NAA25: variants seen among roughly 807,000 people sequenced by gnomAD.
NAA25 encodes the protein N-terminal acetyltransferase B complex subunit NAA25.
Under a neutral mutation model 132.5 loss-of-function variants are expected in NAA25, and 30 were observed. The observed-to-expected ratio is 0.23, with a 90% CI of 0.17 to 0.31. The LOEUF is 0.31. Ranked by LOEUF, NAA25 falls within the 10% of genes least tolerant of loss-of-function variation. The pLI is 1.00. For missense variants in NAA25, 771 were observed against 1,150.4 expected (o/e 0.67, Z 4.77); for synonymous variants, 359 against 401.9 (o/e 0.89, Z 1.28).
At chr12:112,035,426 C>CT (rs2078211182) in intron 22 of NAA25, 1 of 152,020 alleles carries the variant, frequency 6.6e-6, no homozygotes, top group Admixed American at 6.6e-5. Flanking sequence ...TCCTTAAGTG[C>CT]TGGGATTACA....
chr12:112,090,897 A>G (rs759812904), intron 2 of NAA25, 33 bp from the exon 3 acceptor site: 1 of 1,570,494 alleles, frequency 6.4e-7, no homozygotes, highest in African/African-American at 1.4e-5. Flanking sequence ...CAGTTTTTAA[A>G]AAGACAGAAA....
intron 13 of NAA25, among the ~76,000 whole-genome samples, chr12:112,056,329 T>A (rs969770322): frequency 6.6e-6 from 1 of 150,680 alleles, no homozygotes; most frequent in Non-Finnish European, 1.5e-5. Context: ...TAAGATTCCA[T>A]CTCAAAATAA....
chr12:112,043,015 G>C, intron 19 of NAA25, 73 bp downstream of exon 19: 1 of 1,424,474 alleles, frequency 7.0e-7, no homozygotes, highest in Non-Finnish European at 9.4e-7. Context: ...CCAGATGTGA[G>C]GTTATAGACA....
At chr12:112,086,073 TACAC>T (rs1555238727) in intron 4 of NAA25, among the ~76,000 whole-genome samples, 14 of 53,964 alleles carry the variant, frequency 2.6e-4, no homozygotes, top group African/African-American at 8.4e-4. Context: ...TATATATATA[TACAC>T]ACACACACAC....
chr12:112,092,679 C>G (rs773643774), intron 2 of NAA25, among the ~76,000 whole-genome samples: 2 of 149,512 alleles, frequency 1.3e-5, no homozygotes, highest in African/African-American at 2.5e-5. Context: ...CTTTCTCCCC[C>G]CCCTTTTTTT....
intron 20 of NAA25, 36 bp downstream of exon 20, chr12:112,042,003 G>C: frequency 8.0e-7 from 1 of 1,254,204 alleles, no homozygotes. Flanking sequence ...CATACAACCA[G>C]ATACAAATAC....
chr12:112,086,092 AC>A (rs2079050925), intron 4 of NAA25, among the ~76,000 whole-genome samples: 1 of 134,820 alleles, frequency 7.4e-6, no homozygotes, highest in Non-Finnish European at 1.5e-5. Context: ...ACACACACAC[AC>A]ACACACACAC....
At chr12:112,075,292 G>A (rs1206098513) in intron 8 of NAA25, among the ~76,000 whole-genome samples, 3 of 151,812 alleles carry the variant, frequency 2.0e-5, no homozygotes, top group African/African-American at 4.8e-5. Flanking sequence ...AGGTTCAAGC[G>A]ATTCTTGTGC....
chr12:112,051,730 CA>C (rs1396759681), intron 15 of NAA25, among the ~76,000 whole-genome samples: 3 of 151,796 alleles, frequency 2.0e-5, no homozygotes, highest in Non-Finnish European at 1.5e-5. Context: ...AACAAAGATA[CA>C]AAAAAAACTC....
At chr12:112,062,937 G>C (rs2078659263) in intron 11 of NAA25, among the ~76,000 whole-genome samples, 1 of 151,880 alleles carries the variant, frequency 6.6e-6, no homozygotes, top group Non-Finnish European at 1.5e-5. Context: ...GTGCACGCCT[G>C]TAGTCCCAGC....
In NAA25 at chr12:112,040,570, T is replaced by C. The variant is rs139641115; in HGVS notation, c.2449A>G (p.Ser817Gly). The C allele has an allele frequency of 5.7e-5, 90 of 1,575,246 alleles. No homozygotes were observed. The African/African-American group carries it at 1.1e-3, about 20-fold the overall frequency. Residue 817 changes from serine (S) to glycine (G), a missense_variant, in exon 21 of 24, where the codon AGT (serine) becomes GGT (glycine). Around this residue, in one of 3 missense-constraint regions of NAA25, gnomAD observed 324 missense variants for 400.0 expected, o/e 0.81. Coordinates refer to ENST00000261745, the MANE Select transcript of NAA25 (RefSeq NM_024953.4). ...SLLDQLKDVF[S>G]KCKGDLLEVK... ...TCTAAGAGGTCACCTTTACATTTAC[T>C]GAAGACATCTGAAAACAAAAAACAT...
chr12:112,032,548 G>C (rs1056486552), intron 23 of NAA25, among the ~76,000 whole-genome samples: 1 of 152,168 alleles, frequency 6.6e-6, no homozygotes, highest in Non-Finnish European at 1.5e-5. Flanking sequence ...ATTTTCTTAA[G>C]ATCAGTTTCA....
intron 7 of NAA25, among the ~76,000 whole-genome samples, chr12:112,076,193 ATT>A (rs1197648456): frequency 1.3e-5 from 2 of 152,022 alleles, no homozygotes; most frequent in Non-Finnish European, 2.9e-5. Flanking sequence ...TAAATGTCAC[ATT>A]TTCTTATTCA....
At chr12:112,058,784 C>T (rs921947133) in intron 13 of NAA25, among the ~76,000 whole-genome samples, 1 of 151,702 alleles carries the variant, frequency 6.6e-6, no homozygotes, top group African/African-American at 2.4e-5. Context: ...ACTGGTCAGG[C>T]GCAGTGGCTC....
At chr12:112,087,929 C>T in intron 3 of NAA25, 128 bp from the exon 4 acceptor site, 2 of 640,186 alleles carry the variant, frequency 3.1e-6, no homozygotes, top group East Asian at 2.7e-5. Flanking sequence ...TTGCCTCATC[C>T]AATCATCATT....
chr12:112,036,678 A>G (rs2078227201), intron 22 of NAA25, among the ~76,000 whole-genome samples: 1 of 151,972 alleles, frequency 6.6e-6, no homozygotes, highest in Non-Finnish European at 1.5e-5. Context: ...GCAAAACCTC[A>G]TCTCTACTAA....
chr12:112,040,571 G>A lies in NAA25; in HGVS notation c.2448C>T (p.Phe816=), dbSNP rs1189461954. The part of the protein sequence containing the change: ...KSLLDQLKDV[F]SKCKGDLLEV... ...CTAAGAGGTCACCTTTACATTTACT[G>A]AAGACATCTGAAAACAAAAAACATT... The change falls in exon 21 of 24, where the codon TTC becomes TTT. Residue 816 remains phenylalanine (F), a synonymous_variant. Coordinates refer to ENST00000261745, the MANE Select transcript of NAA25 (RefSeq NM_024953.4). The A allele has an allele frequency of 1.0e-5, 16 of 1,573,880 alleles. No individual in the cohort carries two copies. Among genetic ancestry groups the A allele is most frequent in the African/African-American group, 1.4e-5 (1 of 73,696 alleles).
intron 1 of NAA25, among the ~76,000 whole-genome samples, chr12:112,107,321 A>G (rs893008200): frequency 1.3e-5 from 2 of 151,962 alleles, no homozygotes; most frequent in Non-Finnish European, 2.9e-5. Context: ...TCCAAGAAAT[A>G]CTAACTGAGT....
intron 13 of NAA25, among the ~76,000 whole-genome samples, chr12:112,058,663 G>A (rs1198126967): frequency 1.3e-5 from 2 of 152,052 alleles, no homozygotes; most frequent in South Asian, 2.1e-4. Flanking sequence ...AGTGGCTCAC[G>A]CCTGAATCCC....
Sources: gnomAD v4.1 joint callset for allele counts (sites outside exome capture counted in the v4.1 genomes callset) on GRCh38, gnomAD v4.1.1 for gene constraint, gnomAD v4.1.1 regional missense constraint, MANE v1.5 for transcripts, NCBI Gene and HGNC (gene_info 2026-07-23, HGNC 2026-07-21) for gene names.